The following ALK variants were observed in gnomAD, a reference collection of about 807,000 sequenced individuals.
ALK encodes ALK receptor tyrosine kinase.
A neutral mutation model predicts 163.1 loss-of-function variants in ALK; 74 were observed. The observed-to-expected ratio is 0.45, with a 90% CI of 0.38 to 0.55. The LOEUF (loss-of-function observed/expected upper bound fraction) is 0.55. Ranked by LOEUF, ALK falls within the 20% of genes least tolerant of loss-of-function variation. The pLI, the probability that ALK is intolerant of heterozygous loss-of-function variation, is 0.00. For missense variants in ALK, 2,063 were observed against 2,105.3 expected, an observed-to-expected ratio of 0.98 and a Z score of 0.39; for synonymous variants, 960 against 843.2, an observed-to-expected ratio of 1.14 and a Z score of -2.40.
At chr2:29,665,311 C>T (rs928132226) in intron 3 of ALK, among the ~76,000 whole-genome samples, 5 of 151,932 alleles carry the variant, frequency 3.3e-5, no homozygotes, top group African/African-American at 1.2e-4. Flanking sequence ...AGGCTGGCTT[C>T]CACAACCCCT....
chr2:29,253,609 T>G lies in ALK; in HGVS notation c.2042-2342A>C, dbSNP rs1227649371. ...GCCAACAGCACCTGGGAATTTAAAGTCAGTGGGTTGGGGAGGAGGGATGGG... is the reference window on the plus strand; with the variant it reads ...GCCAACAGCACCTGGGAATTTAAAGGCAGTGGGTTGGGGAGGAGGGATGGG... On this transcript the variant is annotated intron_variant, in intron 11 of 28. Coordinates refer to ENST00000389048, the MANE Select transcript of ALK (RefSeq NM_004304.5). 2.0e-5 allele frequency among the ~76,000 whole-genome samples: 3 copies of G among 151,680 alleles called. No individual in the cohort carries two copies. The South Asian group carries it at 6.3e-4, about 32-fold the overall frequency.
chr2:29,439,595 G>A (rs1339652862), intron 4 of ALK, among the ~76,000 whole-genome samples: 3 of 151,734 alleles, frequency 2.0e-5, no homozygotes, highest in African/African-American at 4.9e-5. Flanking sequence ...ACCTGTGAAT[G>A]TGACCACATA....
At chr2:29,376,925 GGA>G (rs557953936) in intron 5 of ALK, among the ~76,000 whole-genome samples, 1 of 152,164 alleles carries the variant, frequency 6.6e-6, no homozygotes, top group African/African-American at 2.4e-5. Context: ...TGGAGAAGAA[GGA>G]GAGAGAGGGG....
intron 3 of ALK, among the ~76,000 whole-genome samples, chr2:29,690,054 G>A (rs769712646): frequency 5.3e-5 from 8 of 152,142 alleles, no homozygotes; most frequent in Admixed American, 2.6e-4. Flanking sequence ...TAAGCCATCC[G>A]GTTTGTAAGA....
chr2:29,506,465 G>A (rs4665462), intron 4 of ALK, among the ~76,000 whole-genome samples: 1 of 151,964 alleles, frequency 6.6e-6, no homozygotes, highest in Non-Finnish European at 1.5e-5. Context: ...AGCTTTAGAA[G>A]TTGAGCAGGA....
At chr2:29,308,984 T>C (rs1573214443) in intron 8 of ALK, among the ~76,000 whole-genome samples, 1 of 152,292 alleles carries the variant, frequency 6.6e-6, no homozygotes, top group Non-Finnish European at 1.5e-5. Flanking sequence ...AAGATGGTAT[T>C]TTCTTCAGTC....
intron 4 of ALK, among the ~76,000 whole-genome samples, chr2:29,512,930 T>C (rs879590447): frequency 1.3e-5 from 2 of 150,452 alleles, no homozygotes; most frequent in Non-Finnish European, 3.0e-5. Context: ...TACCTAGGAA[T>C]CCACCTTACA....
chr2:29,211,286 G>A (rs1314228976), intron 24 of ALK, among the ~76,000 whole-genome samples: 3 of 151,922 alleles, frequency 2.0e-5, no homozygotes, highest in Admixed American at 1.3e-4. Context: ...TAACACATAT[G>A]ACATCAAAAA....
intron 3 of ALK, among the ~76,000 whole-genome samples, chr2:29,636,620 T>G (rs994524273): frequency 2.0e-5 from 3 of 152,114 alleles, no homozygotes; most frequent in South Asian, 4.1e-4. Flanking sequence ...AATTAAAAAC[T>G]TTTGCTCTGC....
chr2:29,518,682 G>A (rs11689775), intron 4 of ALK, among the ~76,000 whole-genome samples: 17,463 of 152,236 alleles, frequency 0.11, 1,348 homozygotes, highest in Non-Finnish European at 0.18. Flanking sequence ...CAATATGGCT[G>A]TGGCAACTAT....
chr2:29,615,298 G>T (rs138348940), intron 3 of ALK, among the ~76,000 whole-genome samples: 46 of 152,174 alleles, frequency 3.0e-4, no homozygotes, highest in African/African-American at 1.1e-3. Flanking sequence ...TTGTCCTAGG[G>T]TAAAGCTAAC....
At chr2:29,409,596 A>G (rs1669679265) in intron 4 of ALK, among the ~76,000 whole-genome samples, 1 of 152,140 alleles carries the variant, frequency 6.6e-6, no homozygotes, top group African/African-American at 2.4e-5. Context: ...ATCTCCTTTA[A>G]TCAGAGAAGA....
chr2:29,511,307 G>A (rs1336884645), intron 4 of ALK, among the ~76,000 whole-genome samples: 2 of 151,962 alleles, frequency 1.3e-5, no homozygotes, highest in East Asian at 1.9e-4. Flanking sequence ...CCTGCTTCCT[G>A]GGGAACCACT....
At chr2:29,415,368 A>G (rs1210661383) in intron 4 of ALK, among the ~76,000 whole-genome samples, 1 of 151,988 alleles carries the variant, frequency 6.6e-6, no homozygotes, top group Non-Finnish European at 1.5e-5. Context: ...ATTCAAACTC[A>G]TTAGTTTTCT....
chr2:29,287,783 G>C (rs887306315), intron 9 of ALK, among the ~76,000 whole-genome samples: 1 of 151,498 alleles, frequency 6.6e-6, no homozygotes, highest in South Asian at 2.1e-4. Flanking sequence ...CTTTTCTCTG[G>C]CCTTGGAATC....
intron 1 of ALK, among the ~76,000 whole-genome samples, chr2:29,771,314 T>C (rs562405921): frequency 2.0e-5 from 3 of 152,248 alleles, no homozygotes; most frequent in Admixed American, 6.5e-5. Flanking sequence ...ACAAATGAAA[T>C]AAACTCAAAC....
At chr2:29,856,532 C>G (rs916035026) in intron 1 of ALK, among the ~76,000 whole-genome samples, 3 of 152,158 alleles carry the variant, frequency 2.0e-5, no homozygotes, top group African/African-American at 7.2e-5. Flanking sequence ...GTAATTTGCT[C>G]GAGGTTGTGC....
chr2:29,713,852 T>A (rs60661915), intron 2 of ALK, among the ~76,000 whole-genome samples: 21,557 of 151,890 alleles, frequency 0.14, 3,718 homozygotes, highest in African/African-American at 0.42. Context: ...TTTTTTTTTT[T>A]AAATAAATGA....
chr2:29,232,182 A>G, intron 15 of ALK, 122 bp downstream of exon 15: 3 of 1,385,342 alleles, frequency 2.2e-6, no homozygotes. Context: ...CGGTACCAAT[A>G]TTCAGAGCTC....
Sources: allele counts gnomAD v4.1 joint callset (sites outside exome capture counted in the v4.1 genomes callset), GRCh38; gene constraint gnomAD v4.1.1; transcripts MANE v1.5; gene names NCBI Gene and HGNC (gene_info 2026-07-23, HGNC 2026-07-21).